Variants in NIBAN1 observed in about 807,000 individuals in gnomAD.
NIBAN1 encodes the protein niban apoptosis regulator 1.
A neutral mutation model predicts 75.1 loss-of-function variants in NIBAN1; 81 were observed. The ratio of observed to expected loss-of-function variants is 1.08; its 90% CI spans 0.90 to 1.30. The LOEUF is 1.30. Ranked by LOEUF, NIBAN1 falls within the 50% of genes most tolerant of loss-of-function variation. The pLI is 0.00. For synonymous variants in NIBAN1, 436 were observed against 424.8 expected, an observed-to-expected ratio of 1.03 and a Z score of -0.32; for missense variants, 1,133 against 1,128.1, an observed-to-expected ratio of 1.00 and a Z score of -0.06.
chr1:184,969,579 T>G (rs1240646547), intron 1 of NIBAN1, among the ~76,000 whole-genome samples: 1 of 151,998 alleles, frequency 6.6e-6, no homozygotes, highest in African/African-American at 2.4e-5. Context: ...CTATAATCAC[T>G]GGCAAGGAGA....
chr1:184,963,943 A>T (rs1299475486), intron 1 of NIBAN1, among the ~76,000 whole-genome samples: 2 of 152,224 alleles, frequency 1.3e-5, no homozygotes, highest in Non-Finnish European at 2.9e-5. Context: ...GACAATGAGT[A>T]AGAAGAAAGA....
At chr1:184,936,104 C>T (rs1457364880) in intron 1 of NIBAN1, among the ~76,000 whole-genome samples, 2 of 151,948 alleles carry the variant, frequency 1.3e-5, no homozygotes, top group African/African-American at 4.8e-5. Flanking sequence ...CATGAGCTTG[C>T]CACTCAGAAC....
chr1:184,898,616 AAAAAT>A (rs1202660708), intron 2 of NIBAN1, among the ~76,000 whole-genome samples: 1 of 152,186 alleles, frequency 6.6e-6, no homozygotes, highest in African/African-American at 2.4e-5. Context: ...ACTCTATCTC[AAAAAT>A]AAAATAAGAC....
chr1:184,926,222 G>A (rs528514219), intron 1 of NIBAN1, among the ~76,000 whole-genome samples: 1 of 152,076 alleles, frequency 6.6e-6, no homozygotes. Flanking sequence ...GAGCTCCATC[G>A]TATGTTTTTT....
At chr1:184,799,194 C>A (rs1308670518) in intron 12 of NIBAN1, among the ~76,000 whole-genome samples, 1 of 151,506 alleles carries the variant, frequency 6.6e-6, no homozygotes, top group African/African-American at 2.4e-5. Context: ...CCTCCCCTCT[C>A]CCCCCACCCC....
intron 1 of NIBAN1, among the ~76,000 whole-genome samples, chr1:184,924,606 A>G (rs1052122660): frequency 6.6e-6 from 1 of 152,132 alleles, no homozygotes; most frequent in African/African-American, 2.4e-5. Context: ...TAGTTTGGGT[A>G]GGATTGGTAT....
At chr1:184,877,028 A>C (rs1046539810) in intron 5 of NIBAN1, among the ~76,000 whole-genome samples, 1 of 152,248 alleles carries the variant, frequency 6.6e-6, no homozygotes, top group African/African-American at 2.4e-5. Context: ...AAATACCTTT[A>C]AACCAGCAAC....
intron 1 of NIBAN1, among the ~76,000 whole-genome samples, chr1:184,965,458 G>A (rs1400368118): frequency 2.0e-5 from 3 of 152,172 alleles, no homozygotes; most frequent in African/African-American, 7.2e-5. Flanking sequence ...TGTGAATAGT[G>A]CTGCAATGAA....
At chr1:184,817,295 C>T (rs1571487990) in intron 9 of NIBAN1, among the ~76,000 whole-genome samples, 1 of 152,246 alleles carries the variant, frequency 6.6e-6, no homozygotes, top group African/African-American at 2.4e-5. Context: ...GGGTTGGTTC[C>T]AAGTCTTTGC....
At chr1:184,879,921 T>C (rs76850888) in intron 5 of NIBAN1, among the ~76,000 whole-genome samples, 38 of 152,346 alleles carry the variant, frequency 2.5e-4, no homozygotes, top group African/African-American at 8.7e-4. Flanking sequence ...AGTGTCTTTA[T>C]ATTGTTGTGG....
intron 5 of NIBAN1, among the ~76,000 whole-genome samples, chr1:184,844,890 C>G (rs1343545184): frequency 1.3e-5 from 2 of 152,228 alleles, no homozygotes; most frequent in Admixed American, 6.5e-5. Flanking sequence ...TGGCTAATTT[C>G]ATGGCCCTCT....
At position 184,823,708 on chromosome 1, in the gene NIBAN1, G is replaced by A; in HGVS notation, c.752C>T (p.Pro251Leu). ...LSNLVMEELLPTLQTDLLPKM... is the reference protein window; with the variant it reads ...LSNLVMEELLLTLQTDLLPKM... ...AGGCAGCAGGTCTGTCTGAAGAGTG[G>A]GCAGGAGCTCCTCCATCACCAGGTT... The change falls in exon 7 of 14, where the codon CCC becomes CTC. Residue 251 changes from proline (P) to leucine (L), a missense_variant. By Grantham distance (98) the Pro-to-Leu change is moderately conservative. Transcript: ENST00000367511. 1 of 1,614,046 alleles carries A rather than the reference G, an allele frequency of 6.2e-7. No homozygotes were observed. Among genetic ancestry groups the A allele is most frequent in the Non-Finnish European group, 8.5e-7 (1 of 1,179,964 alleles).
Position 184,796,053 on chromosome 1 carries a change from C to A in NIBAN1, c.1711G>T (p.Asp571Tyr). The A allele has an allele frequency of 6.3e-7, 1 of 1,580,736 alleles. No individual in the cohort carries two copies. Among genetic ancestry groups the A allele is most frequent in the African/African-American group, 1.4e-5 (1 of 73,566 alleles). The change falls in exon 14 of 14, where the codon GAT becomes TAT. Residue 571 changes from aspartate to tyrosine, a missense_variant. By Grantham distance (160) the Asp-to-Tyr change is radical. Transcript: ENST00000367511. ...CTTTCACTGGGCAAGGCCATGTTAT[C>A]TTCAAATAAGTTGTGTTTCTTCAAG... The part of the protein sequence containing the change: ...AILKKHNLFE[D>Y]NMALPSESVS...
chr1:184,803,516 T>A (rs1654103093), intron 12 of NIBAN1, 69 bp downstream of exon 12: 22 of 1,262,824 alleles, frequency 1.7e-5, no homozygotes, highest in Non-Finnish European at 2.5e-5. Flanking sequence ...CCAGTACACA[T>A]CACAAAAGAA....
At chr1:184,835,055 A>G (rs1015338886) in intron 5 of NIBAN1, among the ~76,000 whole-genome samples, 3 of 152,144 alleles carry the variant, frequency 2.0e-5, no homozygotes, top group Admixed American at 2.0e-4. Flanking sequence ...TCAGCTTTCT[A>G]CATATGGCTA....
At chr1:184,946,846 G>T (rs1400635918) in intron 1 of NIBAN1, among the ~76,000 whole-genome samples, 1 of 152,094 alleles carries the variant, frequency 6.6e-6, no homozygotes, top group Non-Finnish European at 1.5e-5. Context: ...GGCCAAGGCG[G>T]ATGGATCACC....
rs147091185 is a variant in NIBAN1, at chr1:184,831,846, C to T, written c.717+1G>A. The T allele has an allele frequency of 1.2e-6, 2 of 1,612,452 alleles. No homozygotes were observed. The highest frequency in any genetic ancestry group is 2.2e-5 in the East Asian group (1 of 44,872). ...ATCCAAAATTTTGAACCCCATATTA[C>T]CTGGATTTCATCCCCAGTGATCATT... On this transcript the variant is annotated splice_donor_variant, in intron 6 of 13. Coordinates refer to ENST00000367511, the MANE Select transcript of NIBAN1 (RefSeq NM_052966.4). LOFTEE classifies it high-confidence loss of function.
At chr1:184,872,337 G>C (rs1438845118) in intron 5 of NIBAN1, among the ~76,000 whole-genome samples, 1 of 151,160 alleles carries the variant, frequency 6.6e-6, no homozygotes, top group East Asian at 1.9e-4. Flanking sequence ...GAGAAGTAGA[G>C]AACTGAATGA....
intron 1 of NIBAN1, among the ~76,000 whole-genome samples, chr1:184,900,035 C>T (rs543850577): frequency 3.6e-4 from 55 of 152,094 alleles, no homozygotes; most frequent in Middle Eastern, 6.8e-3. Context: ...AGGCTGGTCT[C>T]GAACTCCCAA....
Sources: allele counts gnomAD v4.1 joint callset (sites outside exome capture counted in the v4.1 genomes callset), GRCh38; gene constraint gnomAD v4.1.1; transcripts MANE v1.5; gene names NCBI Gene and HGNC (gene_info 2026-07-23, HGNC 2026-07-21).